ARIH2: variants seen among roughly 807,000 people sequenced by gnomAD.
ARIH2 encodes the protein E3 ubiquitin-protein ligase ARIH2.
A neutral mutation model predicts 79.8 loss-of-function variants in ARIH2; 12 were observed. The ratio of observed to expected loss-of-function variants is 0.15; its 90% CI spans 0.10 to 0.24. The LOEUF is 0.24. ARIH2 is among the 10% of genes least tolerant of loss of function. The pLI is 1.00. For synonymous variants in ARIH2, 224 were observed against 213.9 expected (o/e 1.05, Z -0.41); for missense variants, 301 against 618.3 (o/e 0.49, Z 5.44).
intron 1 of ARIH2, among the ~76,000 whole-genome samples, chr3:48,919,568 C>G (rs2084474120): frequency 6.6e-6 from 1 of 152,336 alleles, no homozygotes; most frequent in Admixed American, 6.5e-5. Flanking sequence ...TCTGTCATAG[C>G]GACATGTTCT....
At chr3:48,967,298 A>G (rs2091867835) in intron 6 of ARIH2, 23 bp downstream of exon 6, 1 of 1,608,138 alleles carries the variant, frequency 6.2e-7, no homozygotes, top group Non-Finnish European at 8.5e-7. Flanking sequence ...CAAAACTTAT[A>G]AAAAGCTGGC....
intron 3 of ARIH2, chr3:48,934,811 T>C (rs952482685): frequency 4.6e-5 from 45 of 985,338 alleles, no homozygotes; most frequent in Non-Finnish European, 4.9e-5. Flanking sequence ...GTGTACCTGA[T>C]ACCATACAAA....
intron 2 of ARIH2, among the ~76,000 whole-genome samples, chr3:48,925,471 A>G (rs1426967194): frequency 6.6e-6 from 1 of 150,534 alleles, no homozygotes; most frequent in Middle Eastern, 3.2e-3. Context: ...TAGGTTGTTC[A>G]GGTGGATCTT....
At chr3:48,969,824 A>G (rs1207323775) in intron 7 of ARIH2, among the ~76,000 whole-genome samples, 1 of 151,242 alleles carries the variant, frequency 6.6e-6, no homozygotes, top group African/African-American at 2.4e-5. Context: ...ATGCCGCAGG[A>G]TAAACAGAAG....
At chr3:48,979,390 G>A (rs1323475601) in intron 11 of ARIH2, 92 bp from the exon 12 acceptor site, 4 of 1,425,436 alleles carry the variant, frequency 2.8e-6, no homozygotes, top group Non-Finnish European at 3.8e-6. Context: ...TGACCCCTTT[G>A]GGAGCAGGGT....
chr3:48,926,261 G>A (rs1277126250), intron 2 of ARIH2, among the ~76,000 whole-genome samples: 1 of 151,884 alleles, frequency 6.6e-6, no homozygotes, highest in African/African-American at 2.4e-5. Context: ...GTGTGTGTGT[G>A]TGTGTATGTG....
At chr3:48,948,371 C>T (rs756630753) in intron 3 of ARIH2, among the ~76,000 whole-genome samples, 7 of 152,060 alleles carry the variant, frequency 4.6e-5, no homozygotes, top group Non-Finnish European at 8.8e-5. Context: ...CAGGTTCAAG[C>T]GATTCTCCTG....
chr3:48,982,779 T>G (rs2092796642), intron 14 of ARIH2, 117 bp from the exon 15 acceptor site: 1 of 744,702 alleles, frequency 1.3e-6, no homozygotes, highest in African/African-American at 1.7e-5. Flanking sequence ...GAGGACAGTA[T>G]CAGGATTGTC....
At chr3:48,925,334 CGATCTCCCGACCTCGT>C (rs925968065) in intron 2 of ARIH2, 1 of 146,386 alleles carries the variant, frequency 6.8e-6, no homozygotes, top group African/African-American at 2.5e-5. Context: ...AGGATGGTCT[CGATCTCCCGACCTCGT>C]GATCCACCTG....
chr3:48,935,677 C>A (rs991495162), intron 3 of ARIH2, among the ~76,000 whole-genome samples: 4 of 152,146 alleles, frequency 2.6e-5, no homozygotes, highest in African/African-American at 9.7e-5. Flanking sequence ...ACCTCCTTCA[C>A]AACATTAAAT....
chr3:48,981,809 G>A, intron 14 of ARIH2, 81 bp downstream of exon 14: 4 of 1,199,374 alleles, frequency 3.3e-6, no homozygotes, highest in South Asian at 1.3e-5. Context: ...GGAGAGTGAG[G>A]ACCAGACCTT....
intron 12 of ARIH2, 39 bp downstream of exon 12, chr3:48,979,672 C>A: frequency 6.2e-7 from 1 of 1,605,640 alleles, no homozygotes; most frequent in South Asian, 1.1e-5. Flanking sequence ...ACAGGGTAGG[C>A]TTCTTCCACT....
chr3:48,944,670 G>A (rs2088860463), intron 3 of ARIH2, among the ~76,000 whole-genome samples: 1 of 152,078 alleles, frequency 6.6e-6, no homozygotes, highest in African/African-American at 2.4e-5. Context: ...TTAGATTCAG[G>A]GGTGAGCCTG....
intron 3 of ARIH2, among the ~76,000 whole-genome samples, chr3:48,941,763 T>G (rs1315476321): frequency 2.6e-5 from 4 of 151,394 alleles, no homozygotes; most frequent in Admixed American, 2.6e-4. Flanking sequence ...CGGCTAATTT[T>G]TTGTATTTTT....
chr3:48,958,485 G>A (rs1233478815), intron 3 of ARIH2, among the ~76,000 whole-genome samples: 2 of 151,876 alleles, frequency 1.3e-5, no homozygotes, highest in Non-Finnish European at 2.9e-5. Flanking sequence ...GCCGAGGCTG[G>A]TGGATCACGA....
rs1033760412 is a variant in ARIH2 at position 48,967,195 on chromosome 3, C to G, written c.458C>G (p.Ser153Cys). 1 of 1,614,100 alleles carries G rather than the reference C, an allele frequency of 6.2e-7. No individual in the cohort carries two copies. The highest frequency in any genetic ancestry group is 1.7e-5 in the Admixed American group (1 of 60,004). The change falls in exon 6 of 16, where the codon TCT becomes TGT. Residue 153 changes from serine (S) to cysteine (C), a missense_variant. By Grantham distance (112) the Ser-to-Cys change is moderately radical. Around this residue, in one of 2 missense-constraint regions of ARIH2, gnomAD observed 223 missense variants for 349.4 expected, o/e 0.64. Transcript: ENST00000356401. ...MQFVRKENLL[S>C]LACQHQFCRS... ...TTTGTGCGAAAGGAAAACCTACTCT[C>G]TCTGGCCTGTCAGCACCAGTTTTGC...
At chr3:48,945,224 G>A in intron 3 of ARIH2, 1 of 1,287,036 alleles carries the variant, frequency 7.8e-7, no homozygotes, top group South Asian at 1.2e-5. Context: ...TGGGCTGCTG[G>A]ATTTCTTTTT....
intron 8 of ARIH2, among the ~76,000 whole-genome samples, chr3:48,973,194 A>G (rs1397701035): frequency 6.6e-6 from 1 of 152,242 alleles, no homozygotes; most frequent in African/African-American, 2.4e-5. Flanking sequence ...CTGTAATCCC[A>G]GCACTTTGGG....
chr3:48,981,011 A>ACT (rs2092724148), intron 13 of ARIH2, among the ~76,000 whole-genome samples: 1 of 96,210 alleles, frequency 1.0e-5, no homozygotes, highest in East Asian at 3.8e-4. Context: ...ACAAAGCAAG[A>ACT]CTGTCAAAAA....
Sources: gnomAD v4.1 joint callset for allele counts (sites outside exome capture counted in the v4.1 genomes callset) on GRCh38, gnomAD v4.1.1 for gene constraint, gnomAD v4.1.1 regional missense constraint, MANE v1.5 for transcripts, NCBI Gene and HGNC (gene_info 2026-07-23, HGNC 2026-07-21) for gene names.